The following SLC17A6 variants were observed in gnomAD, a reference collection of about 807,000 sequenced individuals.
The protein encoded by SLC17A6 is vesicular glutamate transporter 2.
Under a neutral mutation model 67.1 loss-of-function variants are expected in SLC17A6, and 35 were observed. The observed-to-expected ratio is 0.52, with a 90% CI of 0.40 to 0.69. SLC17A6 has a LOEUF of 0.69. Among genes scored for constraint, SLC17A6 ranks in the 30% least tolerant of loss-of-function variants. SLC17A6 has a pLI of 0.00. For missense variants in SLC17A6, 588 were observed against 723.9 expected (o/e 0.81, Z 2.15); for synonymous variants, 285 against 252.3 (o/e 1.13, Z -1.23).
In SLC17A6 at chr11:22,341,668, T is replaced by G; in HGVS notation, c.227T>G (p.Met76Arg). The part of the protein sequence containing the change: ...GLPRRYIIAI[M>R]SGLGFCISFG... ...CCCCGCCGCTACATTATCGCCATCATGAGCGGCCTGGGCTTCTGCATCTCC... is the reference window on the plus strand; with the variant it reads ...CCCCGCCGCTACATTATCGCCATCAGGAGCGGCCTGGGCTTCTGCATCTCC... The change falls in exon 2 of 12, where the codon ATG becomes AGG. Residue 76 changes from methionine (M) to arginine (R), a missense_variant. Met to Arg is a moderately conservative substitution (Grantham distance 91). This residue lies in a region of SLC17A6 where 117 missense variants were observed against 98.7 expected (regional missense o/e 1.19). Transcript: ENST00000263160. 6.2e-7 allele frequency: 1 copy of G among 1,614,236 alleles called. No individual in the cohort carries two copies. The highest frequency in any genetic ancestry group is 8.5e-7 in the Non-Finnish European group (1 of 1,180,040).
In SLC17A6 at chr11:22,359,532, G is replaced by A. The variant is rs752576720; in HGVS notation, c.573+5G>A. On this transcript the variant is annotated splice_donor_5th_base_variant and intron_variant, in intron 4 of 11. Transcript: ENST00000263160. ...ATACTGCAGGGACTTGTTGAGGTAT[G>A]TAACTTCAGGGTGAAGCCTTTTTAA... is the stretch of plus-strand genomic sequence containing the variant. 4 of 1,553,954 alleles carry A rather than the reference G, an allele frequency of 2.6e-6. No individual in the cohort carries two copies. Among genetic ancestry groups the A allele is most frequent in the Admixed American group, 3.7e-5 (2 of 54,206 alleles).
intron 6 of SLC17A6, among the ~76,000 whole-genome samples, chr11:22,365,107 T>C (rs996196852): frequency 6.6e-6 from 1 of 152,162 alleles, no homozygotes; most frequent in East Asian, 1.9e-4. Context: ...TTCTTTTCTC[T>C]GGAAATGCAA....
intron 11 of SLC17A6, among the ~76,000 whole-genome samples, chr11:22,376,889 C>G (rs190700065): frequency 6.6e-6 from 1 of 152,112 alleles, no homozygotes; most frequent in Non-Finnish European, 1.5e-5. Flanking sequence ...GTTTCTCAAC[C>G]CTTTTTAATA....
rs149318008 is a variant in SLC17A6 at position 22,359,477 on chromosome 11, G to A, written c.523G>A (p.Val175Met). ...LNMLIPSAAR[V>M]HYGCVIFVRI... The stretch of plus-strand genomic sequence containing the variant: ...TATGCTAATTCCATCAGCAGCCAGA[G>A]TGCATTATGGATGTGTCATCTTTGT... The change falls in exon 4 of 12, where the codon GTG (valine) becomes ATG (methionine). Residue 175 changes from valine to methionine, a missense_variant. Val to Met is a conservative substitution (Grantham distance 21). Transcript: ENST00000263160. 6.2e-7 allele frequency: 1 copy of A among 1,607,304 alleles called. No homozygotes were observed. The highest frequency in any genetic ancestry group is 8.5e-7 in the Non-Finnish European group (1 of 1,176,454).
chr11:22,376,255 G>A (rs138333541), intron 10 of SLC17A6, among the ~76,000 whole-genome samples, 163 bp downstream of exon 10: 117 of 151,958 alleles, frequency 7.7e-4, no homozygotes, highest in African/African-American at 2.6e-3. Context: ...AAAATATTGA[G>A]AAAACATTTA....
Position 22,340,429 on chromosome 11 carries a change from T to A in SLC17A6, c.87-1099T>A, listed in dbSNP as rs544053321. Reference sequence around the variant, plus strand: ...AGTAAAACCATTCCTTTTCTCTGCATTCCCCTTTTCATTTGTCCCTTCTCC... The same window carrying A: ...AGTAAAACCATTCCTTTTCTCTGCAATCCCCTTTTCATTTGTCCCTTCTCC... On this transcript the variant is annotated intron_variant, in intron 1 of 11. Coordinates refer to ENST00000263160, the MANE Select transcript of SLC17A6 (RefSeq NM_020346.3). 2.0e-5 allele frequency among the ~76,000 whole-genome samples: 3 copies of A among 152,352 alleles called. No individual in the cohort carries two copies. The East Asian group carries it at 5.8e-4, about 29-fold the overall frequency.
chr11:22,357,740 T>C (rs1281441415), intron 3 of SLC17A6, among the ~76,000 whole-genome samples: 1 of 152,174 alleles, frequency 6.6e-6, no homozygotes, highest in Non-Finnish European at 1.5e-5. Flanking sequence ...TCTAAAACAA[T>C]TATAATAAAA....
rs1252450320 is a variant in SLC17A6, at chr11:22,341,615, G to A, written c.174G>A (p.Pro58=). ...KPLEVPERKA[P]LCDCTCFGLP... is the part of the protein sequence containing the mutation. ...TAGAGGTGCCCGAGAGGAAGGCGCC[G>A]CTGTGCGACTGCACGTGCTTCGGCC... is the stretch of plus-strand genomic sequence containing the variant. The change falls in exon 2 of 12, where the codon CCG becomes CCA. Residue 58 remains proline, a synonymous_variant. Transcript: ENST00000263160. 6.2e-7 allele frequency: 1 copy of A among 1,614,044 alleles called. No individual in the cohort carries two copies. The highest frequency in any genetic ancestry group is 1.3e-5 in the African/African-American group (1 of 75,064).
Position 22,355,622 on chromosome 11 carries a change from T to C in SLC17A6, c.459-3791T>C, listed in dbSNP as rs551212974. On this transcript the variant is annotated intron_variant, in intron 3 of 11. Coordinates refer to ENST00000263160, the MANE Select transcript of SLC17A6 (RefSeq NM_020346.3). ...AGACTGATGGATTTCACCCTTCACCTTCTTGGACTATCTAACACTTCCTCA... is the reference window on the plus strand; with the variant it reads ...AGACTGATGGATTTCACCCTTCACCCTCTTGGACTATCTAACACTTCCTCA... Among the ~76,000 whole-genome samples, 9 of 152,242 alleles carry C rather than the reference T, an allele frequency of 5.9e-5. No homozygotes were observed. In the South Asian group the frequency reaches 1.9e-3, roughly 32 times the overall value.
chr11:22,342,355 C>G (rs1344724938), intron 2 of SLC17A6, among the ~76,000 whole-genome samples: 1 of 152,076 alleles, frequency 6.6e-6, no homozygotes, highest in Non-Finnish European at 1.5e-5. Flanking sequence ...CCCCTGGGTC[C>G]AGACTTCCTT....
intron 11 of SLC17A6, 64 bp downstream of exon 11, chr11:22,376,736 G>T: frequency 5.8e-6 from 9 of 1,558,482 alleles, no homozygotes; most frequent in South Asian, 1.1e-5. Context: ...AATCTTTTTG[G>T]AAAAGAGTTA....
intron 8 of SLC17A6, among the ~76,000 whole-genome samples, chr11:22,373,578 A>G (rs545660830): frequency 1.3e-5 from 2 of 152,132 alleles, no homozygotes; most frequent in Non-Finnish European, 2.9e-5. Context: ...GTCTGATTTT[A>G]TTTGATTTTT....
chr11:22,343,818 C>A (rs76583504), intron 3 of SLC17A6, among the ~76,000 whole-genome samples: 1 of 152,108 alleles, frequency 6.6e-6, no homozygotes, highest in South Asian at 2.1e-4. Flanking sequence ...CTGGCCCCGT[C>A]CCCCGCCCAG....
In SLC17A6 at chr11:22,342,275, A is replaced by C. The variant is rs533428357; in HGVS notation, c.339+495A>C. ...GTTTACCTCCCCCAGGAGGAGCCAC[A>C]ACGTAAGAGGGTCCCAGGGTGGCAG... On this transcript the variant is annotated intron_variant, in intron 2 of 11. Coordinates refer to ENST00000263160, the MANE Select transcript of SLC17A6 (RefSeq NM_020346.3). Among the ~76,000 whole-genome samples the C allele has an allele frequency of 3.9e-5, 6 of 152,280 alleles. No individual in the cohort carries two copies. The East Asian group carries it at 1.2e-3, about 29-fold the overall frequency.
chr11:22,377,327 G>A, intron 11 of SLC17A6, 78 bp from the exon 12 acceptor site: 4 of 1,300,530 alleles, frequency 3.1e-6, no homozygotes, highest in South Asian at 1.5e-5. Context: ...AAACTCAGTG[G>A]TGGTGCATTC....
Position 22,376,038 on chromosome 11 carries a change from G to T in SLC17A6, c.1231G>T (p.Val411Leu), listed in dbSNP as rs750941771. The change falls in exon 10 of 12, where the codon GTA becomes TTA. Residue 411 changes from valine to leucine, a missense_variant. Val to Leu is a conservative substitution (Grantham distance 32). Around this residue, in one of 4 missense-constraint regions of SLC17A6, gnomAD observed 414 missense variants for 563.4 expected, o/e 0.73. Coordinates refer to ENST00000263160, the MANE Select transcript of SLC17A6 (RefSeq NM_020346.3). ...LVVGYSHTRG[V>L]AISFLVLAVG... ...CGTTGGCTATTCTCATACTAGAGGGGTAGCAATCTCATTCTTGGTACTTGC... is the reference window on the plus strand; with the variant it reads ...CGTTGGCTATTCTCATACTAGAGGGTTAGCAATCTCATTCTTGGTACTTGC... The T allele has an allele frequency of 6.2e-7, 1 of 1,612,398 alleles. No homozygotes were observed. The highest frequency in any genetic ancestry group is 8.5e-7 in the Non-Finnish European group (1 of 1,179,082).
chr11:22,358,181 T>TGATAAAATTTGCCTA lies in SLC17A6; in HGVS notation c.459-1231_459-1217dup, dbSNP rs539605369. On this transcript the variant is annotated intron_variant, in intron 3 of 11. Transcript: ENST00000263160. Reference sequence around the variant, plus strand: ...CTGAATTTAAGGCTCGTGTTTGGCTTGATAAAATTTGCCTAAAATATATAG... The same window carrying TGATAAAATTTGCCTA: ...CTGAATTTAAGGCTCGTGTTTGGCTTGATAAAATTTGCCTAGATAAAATTTGCCTAAAATATATAG... Among the ~76,000 whole-genome samples the TGATAAAATTTGCCTA allele has an allele frequency of 5.3e-3, 800 of 152,308 alleles. 6 individuals carry two copies. Among genetic ancestry groups the TGATAAAATTTGCCTA allele is most frequent in the Non-Finnish European group, 9.1e-3 (616 of 68,024 alleles).
At chr11:22,350,012 A>T (rs766236702) in intron 3 of SLC17A6, among the ~76,000 whole-genome samples, 16 of 152,200 alleles carry the variant, frequency 1.1e-4, no homozygotes, top group Admixed American at 1.0e-3. Flanking sequence ...CATCATCTGT[A>T]GAAGTGACAA....
chr11:22,364,007 C>A (rs1158607070), intron 6 of SLC17A6, among the ~76,000 whole-genome samples: 2 of 152,038 alleles, frequency 1.3e-5, no homozygotes, highest in Non-Finnish European at 2.9e-5. Context: ...AAACAAGGCA[C>A]TCATAAACAA....
Sources: allele counts gnomAD v4.1 joint callset (sites outside exome capture counted in the v4.1 genomes callset), GRCh38; gene constraint gnomAD v4.1.1; regional missense constraint gnomAD v4.1.1; transcripts MANE v1.5; gene names NCBI Gene and HGNC (gene_info 2026-07-23, HGNC 2026-07-21).